Variants in ZNF655 observed in about 807,000 individuals in gnomAD.
The protein encoded by ZNF655 is zinc finger protein 655, also known as Vav-interacting Kruppel-like protein 1.
ZNF655 carries 3 observed loss-of-function variants against 6.6 expected under a neutral mutation model. The observed-to-expected ratio is 0.46, with a 90% CI of 0.21 to 1.18. The LOEUF is 1.18. Ranked by LOEUF, ZNF655 falls within the 50% of genes most tolerant of loss-of-function variation. The probability of loss-of-function intolerance (pLI) is 0.24; values close to 1 mark genes in which losing one functional copy is unlikely to be tolerated. For synonymous variants in ZNF655, 178 were observed against 195.0 expected (o/e 0.91, Z 0.73); for missense variants, 526 against 572.3 (o/e 0.92, Z 0.83).
intron 1 of ZNF655, among the ~76,000 whole-genome samples, chr7:99,560,088 C>CTTTTTTTTTTTTTTT: frequency 7.3e-6 from 1 of 136,882 alleles, no homozygotes; most frequent in Non-Finnish European, 1.6e-5. Flanking sequence ...TCTTTTTTTT[C>CTTTTTTTTTTTTTTT]TTTTTTTTTT....
chr7:99,569,837 G>A (rs1364695327), intron 2 of ZNF655, among the ~76,000 whole-genome samples: 1 of 152,148 alleles, frequency 6.6e-6, no homozygotes, highest in Non-Finnish European at 1.5e-5. Flanking sequence ...GGGCGTACAA[G>A]TGGTTTTTTG....
At chr7:99,560,242 G>A (rs890132873) in intron 1 of ZNF655, among the ~76,000 whole-genome samples, 4 of 151,570 alleles carry the variant, frequency 2.6e-5, no homozygotes, top group South Asian at 4.2e-4. Context: ...GCACCACCAC[G>A]CTGGCTAATT....
rs1167273431 is a variant in ZNF655 at position 99,574,314 on chromosome 7, T to C, written c.*730T>C. On this transcript the variant is annotated 3_prime_UTR_variant, in exon 3 of 3. Transcript: ENST00000252713. ...TTTTCATTGCACAAAAATCTAGGGT[T>C]GACTTGGTAAATGCAGTGACATTTT... 1 of 152,262 alleles carries C rather than the reference T, an allele frequency of 6.6e-6. No individual in the cohort carries two copies. Among genetic ancestry groups the C allele is most frequent in the Non-Finnish European group, 1.5e-5 (1 of 68,048 alleles). The allele number at this position is 152,262 out of a possible 1,614,324, so 9.4% of individuals were successfully genotyped here.
Position 99,573,064 on chromosome 7 carries a change from C to T in ZNF655, c.956C>T (p.Thr319Ile). The T allele has an allele frequency of 1.9e-6, 3 of 1,614,158 alleles. No homozygotes were observed. Among genetic ancestry groups the T allele is most frequent in the Non-Finnish European group, 2.5e-6 (3 of 1,180,006 alleles). Residue 319 changes from threonine to isoleucine, a missense_variant, in exon 3 of 3, where the codon ACT becomes ATT. Thr to Ile is a moderately conservative substitution (Grantham distance 89, BLOSUM62 -1). Coordinates refer to ENST00000252713, the MANE Select transcript of ZNF655 (RefSeq NM_138494.3). ...ERVFSRSVHL[T>I]QHQKIHKEMP... Reference sequence around the variant, plus strand: ...GTCTTCAGTCGTAGTGTCCACCTTACTCAACATCAGAAAATTCACAAAGAG... The same window carrying T: ...GTCTTCAGTCGTAGTGTCCACCTTATTCAACATCAGAAAATTCACAAAGAG...
intron 2 of ZNF655, 84 bp downstream of exon 2, chr7:99,560,779 G>T: frequency 1.3e-6 from 2 of 1,534,482 alleles, no homozygotes; most frequent in Non-Finnish European, 1.8e-6. Context: ...GTTTGAGAGA[G>T]GCCAAGAACT....
At chr7:99,570,151 A>AT (rs375407128) in intron 2 of ZNF655, 7 of 152,026 alleles carry the variant, frequency 4.6e-5, no homozygotes, top group African/African-American at 1.7e-4. Context: ...GATATGGAGT[A>AT]AGCAGCCAGA....
Position 99,572,994 on chromosome 7 carries a change from A to G in ZNF655, c.886A>G (p.Ile296Val). ...CTCAGGCATAATTCAGCATAAGAAA[A>G]TTCACACCAGAGCCAAATCTTACAA... ...PSSGIIQHKK[I>V]HTRAKSYKCS... The change falls in exon 3 of 3, where the codon ATT (isoleucine) becomes GTT (valine). Residue 296 changes from isoleucine (I) to valine (V), a missense_variant. Ile to Val is a conservative substitution (Grantham distance 29). Transcript: ENST00000252713. 6.2e-7 allele frequency: 1 copy of G among 1,614,172 alleles called. No individual in the cohort carries two copies. Among genetic ancestry groups the G allele is most frequent in the East Asian group, 2.2e-5 (1 of 44,870 alleles).
intron 2 of ZNF655, 119 bp from the exon 3 acceptor site, chr7:99,572,126 T>G: frequency 8.9e-7 from 1 of 1,124,902 alleles, no homozygotes; most frequent in Non-Finnish European, 1.2e-6. Context: ...TTTTTCAGAG[T>G]AAATAAACTT....
intron 2 of ZNF655, chr7:99,564,683 A>G (rs1330842219): frequency 1.0e-6 from 1 of 984,964 alleles, no homozygotes; most frequent in Non-Finnish European, 1.2e-6. Flanking sequence ...TTATCTAATA[A>G]TTACAGAGTT....
intron 2 of ZNF655, 30 bp downstream of exon 2, chr7:99,560,725 A>G: frequency 1.9e-6 from 3 of 1,609,796 alleles, no homozygotes; most frequent in Non-Finnish European, 1.7e-6. Context: ...TCCGTCTGGG[A>G]GAGTGGGAGT....
chr7:99,573,470 A>T lies in ZNF655; in HGVS notation c.1362A>T (p.Gln454His), dbSNP rs150697742. 63 of 1,613,764 alleles carry T rather than the reference A, an allele frequency of 3.9e-5. No homozygotes were observed. In the African/African-American group the frequency reaches 8.0e-4, roughly 21 times the overall value. Residue 454 changes from glutamine (Q) to histidine (H), a missense_variant, in exon 3 of 3, where the codon CAA (glutamine) becomes CAT (histidine). Physicochemically the swap from Gln to His is conservative, Grantham distance 24. Transcript: ENST00000252713. ...GTCATAGCTCAGATCTTATCCTGCA[A>T]CAAGAAGTCCTCACCAGACAGAAAG... Reference protein sequence around the residue: ...SFSHSSDLILQQEVLTRQKAF... With the variant: ...SFSHSSDLILHQEVLTRQKAF...
At chr7:99,562,348 G>GC in intron 2 of ZNF655, 1 of 1,613,506 alleles carries the variant, frequency 6.2e-7, no homozygotes, top group Non-Finnish European at 8.5e-7. Context: ...CCTCAGAGCA[G>GC]CCAGGATGTG....
At chr7:99,569,149 T>C (rs1803854605) in intron 2 of ZNF655, among the ~76,000 whole-genome samples, 1 of 152,212 alleles carries the variant, frequency 6.6e-6, no homozygotes, top group Non-Finnish European at 1.5e-5. Context: ...CACCGTATGT[T>C]ATTCTAATCA....
Position 99,563,764 on chromosome 7 carries a change from A to G in ZNF655, c.136+3069A>G, listed in dbSNP as rs1803399404. ...AGGGCATTGCTTTGTCTCCCTGATTATGCTCAGGATTCAAGGTCTTCTTAT... is the reference window on the plus strand; with the variant it reads ...AGGGCATTGCTTTGTCTCCCTGATTGTGCTCAGGATTCAAGGTCTTCTTAT... On this transcript the variant is annotated intron_variant, in intron 2 of 2. Coordinates refer to ENST00000252713, the MANE Select transcript of ZNF655 (RefSeq NM_138494.3). 13 of 1,398,348 alleles carry G rather than the reference A, an allele frequency of 9.3e-6. No homozygotes were observed. In the South Asian group the frequency reaches 1.7e-4, roughly 18 times the overall value. 86.6% of individuals were successfully genotyped at this position (1,398,348 alleles called of 1,614,324 possible).
At chr7:99,561,064 C>T (rs1365910418) in intron 2 of ZNF655, 1 of 163,736 alleles carries the variant, frequency 6.1e-6, no homozygotes, top group Admixed American at 6.3e-5. Context: ...CCTTTCTTTC[C>T]CCTGTTCCCT....
intron 2 of ZNF655, 95 bp from the exon 3 acceptor site, chr7:99,572,150 A>T: frequency 9.8e-6 from 13 of 1,322,998 alleles, no homozygotes; most frequent in Non-Finnish European, 1.3e-5. Context: ...TTGTCCTTGT[A>T]GATACTACAT....
rs1804193390 is a variant in ZNF655, at chr7:99,572,960, T to C, written c.852T>C (p.Cys284=). ...DKSCEASDKS[C]SPSSGIIQHK... ...CCTGTGAAGCGTCTGATAAATCCTG[T>C]AGTCCAAGCTCAGGCATAATTCAGC... The change falls in exon 3 of 3, where the codon TGT becomes TGC. Residue 284 remains cysteine (C), a synonymous_variant. Transcript: ENST00000252713. The C allele has an allele frequency of 6.2e-7, 1 of 1,614,130 alleles. No homozygotes were observed. Among genetic ancestry groups the C allele is most frequent in the Non-Finnish European group, 8.5e-7 (1 of 1,179,988 alleles).
At chr7:99,563,915 G>A (rs777873750) in intron 2 of ZNF655, 29 of 1,613,048 alleles carry the variant, frequency 1.8e-5, no homozygotes, top group Admixed American at 1.3e-4. Context: ...ATTCCTGCCC[G>A]GCCCTGAGTC....
intron 2 of ZNF655, 127 bp downstream of exon 2, chr7:99,560,822 G>GA (rs1803085102): frequency 8.3e-7 from 1 of 1,200,842 alleles, no homozygotes; most frequent in Non-Finnish European, 1.2e-6. Flanking sequence ...AGGGAGGAAT[G>GA]AAAGAGGGGG....
Sources: gnomAD v4.1 joint callset for allele counts (sites outside exome capture counted in the v4.1 genomes callset) on GRCh38, gnomAD v4.1.1 for gene constraint, MANE v1.5 for transcripts, NCBI Gene and HGNC (gene_info 2026-07-23, HGNC 2026-07-21) for gene names.